Variants in DNAAF5 observed in about 807,000 individuals in gnomAD.
DNAAF5 encodes HEAT repeat containing 2.
In DNAAF5, 64 loss-of-function variants were observed where a neutral mutation model predicts 75.8. That is an observed-to-expected ratio of 0.84 (90% CI 0.69 to 1.04). The LOEUF (loss-of-function observed/expected upper bound fraction) is 1.04. DNAAF5 is among the 50% of genes least tolerant of loss of function. The pLI, the probability that DNAAF5 is intolerant of heterozygous loss-of-function variation, is 0.00. For missense variants in DNAAF5, 1,269 were observed against 1,178.5 expected (o/e 1.08, Z -1.12); for synonymous variants, 657 against 557.2 (o/e 1.18, Z -2.52).
chr7:785,367 G>A, intron 12 of DNAAF5, 150 bp from the exon 13 acceptor site: 6 of 822,242 alleles, frequency 7.3e-6, no homozygotes, highest in South Asian at 4.9e-5. Flanking sequence ...TATCCGCATT[G>A]TGACTACTGT....
chr7:771,510 G>C (rs1408268649), intron 9 of DNAAF5: 1 of 152,296 alleles, frequency 6.6e-6, no homozygotes, highest in African/African-American at 2.4e-5. Context: ...TGTGGAAAGA[G>C]TCCAGGCGCT....
chr7:754,168 A>C lies in DNAAF5; in HGVS notation c.1025-421A>C, dbSNP rs141120616. On this transcript the variant is annotated intron_variant, in intron 4 of 12. Transcript: ENST00000297440. This position sits in a 1 kb window ranked among gnomAD's most constrained non-coding sequence, Gnocchi z 4.8. ...GTTGTTTGCATCTCTGTGTGGCTCT[A>C]AATGTTTGTTTTTTGAGACAGGGTC... Among the ~76,000 whole-genome samples, 28 of 152,204 alleles carry C rather than the reference A, an allele frequency of 1.8e-4. No individual in the cohort carries two copies. In the East Asian group the frequency reaches 5.4e-3, roughly 29 times the overall value.
chr7:754,951 C>G lies in DNAAF5; in HGVS notation c.1257+130C>G. ...TTCCCCTCACCCCCGGGCCGCAGGCCCTCCCCACACCCAGCCCCTGGGAAC... is the reference window on the plus strand; with the variant it reads ...TTCCCCTCACCCCCGGGCCGCAGGCGCTCCCCACACCCAGCCCCTGGGAAC... On this transcript the variant is annotated intron_variant, in intron 5 of 12. Transcript: ENST00000297440. This position sits in a 1 kb window ranked among gnomAD's most constrained non-coding sequence, Gnocchi z 4.8. The G allele has an allele frequency of 1.5e-6, 1 of 652,188 alleles. No individual in the cohort carries two copies. The highest frequency in any genetic ancestry group is 2.6e-6 in the Non-Finnish European group (1 of 384,636). 40.4% of individuals were successfully genotyped at this position (652,188 alleles called of 1,614,324 possible). A position where few individuals can be genotyped will look rare whatever the true frequency, so the allele number is the denominator to read the frequency against.
At chr7:782,638 CCGCCTCCCGT>C (rs1779005035) in intron 12 of DNAAF5, among the ~76,000 whole-genome samples, 2 of 145,340 alleles carry the variant, frequency 1.4e-5, no homozygotes, top group South Asian at 2.2e-4. Context: ...CCTGGCGTGG[CCGCCTCCCGT>C]CACGCAGCGT....
chr7:781,580 A>T (rs534997632), intron 12 of DNAAF5, among the ~76,000 whole-genome samples: 1 of 145,916 alleles, frequency 6.9e-6, no homozygotes, highest in South Asian at 2.2e-4. Context: ...TTAGTTTTGG[A>T]GGGACCTCCA....
intron 6 of DNAAF5, among the ~76,000 whole-genome samples, chr7:759,681 T>C (rs761652302): frequency 1.3e-5 from 2 of 152,192 alleles, no homozygotes; most frequent in African/African-American, 2.4e-5. Context: ...TCTGGTCAAA[T>C]ATAGAGAAAT....
rs1778710542 is a variant in DNAAF5 at position 775,005 on chromosome 7, G to C, written c.2083-1G>C. The C allele has an allele frequency of 6.2e-7, 1 of 1,613,926 alleles. No individual in the cohort carries two copies. On this transcript the variant is annotated splice_acceptor_variant, in intron 10 of 12. Transcript: ENST00000297440. LOFTEE classifies it high-confidence loss of function. ...ACGTCGTATGTGTTTGCTGATTGCA[G>C]ATACGGGACGTGCAGGAAACACTGA...
intron 4 of DNAAF5, among the ~76,000 whole-genome samples, chr7:747,732 A>G (rs74969912): frequency 0.18 from 1,132 of 6,422 alleles, 41 homozygotes; most frequent in Middle Eastern, 0.25. Flanking sequence ...TGGTTTCAGC[A>G]TGTCCGGCTG....
intron 9 of DNAAF5, chr7:772,903 C>A (rs967488445): frequency 4.0e-5 from 6 of 151,838 alleles, no homozygotes; most frequent in Non-Finnish European, 8.8e-5. Flanking sequence ...GATCAATGCC[C>A]AGAAGTTCTG....
At chr7:728,576 C>T (rs1241001709) in intron 1 of DNAAF5, among the ~76,000 whole-genome samples, 1 of 152,212 alleles carries the variant, frequency 6.6e-6, no homozygotes, top group East Asian at 1.9e-4. Context: ...GCTGGATGGA[C>T]ATGGCCATTG....
intron 4 of DNAAF5, among the ~76,000 whole-genome samples, chr7:752,752 C>G (rs1782348116): frequency 6.6e-6 from 1 of 152,250 alleles, no homozygotes. Flanking sequence ...AACACTTCTG[C>G]TTTTTCAAAG....
At chr7:783,126 G>A (rs1421256259) in intron 12 of DNAAF5, among the ~76,000 whole-genome samples, 3 of 152,258 alleles carry the variant, frequency 2.0e-5, no homozygotes, top group African/African-American at 7.2e-5. Flanking sequence ...GGGAGTGAGG[G>A]ACTTGGGCCG....
intron 8 of DNAAF5, among the ~76,000 whole-genome samples, chr7:768,197 A>C (rs947009633): frequency 8.0e-6 from 1 of 125,308 alleles, no homozygotes; most frequent in South Asian, 2.9e-4. Flanking sequence ...TCCATGCTGC[A>C]GCAGGAGCTC....
intron 11 of DNAAF5, among the ~76,000 whole-genome samples, chr7:779,036 G>A (rs1778852824): frequency 6.6e-6 from 1 of 152,258 alleles, no homozygotes; most frequent in Non-Finnish European, 1.5e-5. Flanking sequence ...AAGTGCCTGG[G>A]CATCTGCCAG....
At chr7:783,265 G>A (rs192644203) in intron 12 of DNAAF5, among the ~76,000 whole-genome samples, 5 of 152,254 alleles carry the variant, frequency 3.3e-5, no homozygotes, top group East Asian at 1.9e-4. Flanking sequence ...CGTGTGAAGC[G>A]GTGCACCTGG....
At chr7:777,242 T>G (rs1415563934) in intron 11 of DNAAF5, among the ~76,000 whole-genome samples, 1 of 152,142 alleles carries the variant, frequency 6.6e-6, no homozygotes, top group Non-Finnish European at 1.5e-5. Flanking sequence ...AAAATTGTCT[T>G]CCATGAAACC....
intron 9 of DNAAF5, chr7:770,856 A>G: frequency 2.1e-6 from 1 of 466,680 alleles, no homozygotes; most frequent in African/African-American, 2.0e-5. Flanking sequence ...TCCCTCCCCC[A>G]CAGCACTCTG....
In DNAAF5 at chr7:770,554, C is replaced by G. The variant is rs1293410871; in HGVS notation, c.1867C>G (p.Leu623Val). The G allele has an allele frequency of 2.5e-6, 4 of 1,613,994 alleles. No individual in the cohort carries two copies. Among genetic ancestry groups the G allele is most frequent in the African/African-American group, 1.3e-5 (1 of 75,074 alleles). Residue 623 changes from leucine to valine, a missense_variant, in exon 9 of 13, where the codon CTG (leucine) becomes GTG (valine). Transcript: ENST00000297440. ...LQPSQDPQMRLKLFSILSTVL... is the reference protein window; with the variant it reads ...LQPSQDPQMRVKLFSILSTVL... ...GCCCTCCCAAGACCCGCAGATGCGC[C>G]TGAAGCTGTTCTCCATCCTGTCCAC...
chr7:732,028 G>A (rs1441312563), intron 2 of DNAAF5, among the ~76,000 whole-genome samples: 6 of 152,146 alleles, frequency 3.9e-5, no homozygotes, highest in Non-Finnish European at 5.9e-5. Context: ...TGCTAGACTC[G>A]GCTTAAATCA....
Sources: gnomAD v4.1 joint callset for allele counts (sites outside exome capture counted in the v4.1 genomes callset) on GRCh38, gnomAD v4.1.1 for gene constraint, Gnocchi (gnomAD v3.1) non-coding constraint, MANE v1.5 for transcripts, NCBI Gene and HGNC (gene_info 2026-07-23, HGNC 2026-07-21) for gene names.